The following AGPAT5 variants were observed in gnomAD, a reference collection of about 807,000 sequenced individuals.
AGPAT5 encodes the protein 1-acyl-sn-glycerol-3-phosphate acyltransferase epsilon.
AGPAT5 carries 46 observed loss-of-function variants against 45.6 expected under a neutral mutation model. The ratio of observed to expected loss-of-function variants is 1.01; its 90% CI spans 0.80 to 1.29. AGPAT5 has a LOEUF of 1.29. Among genes scored for constraint, AGPAT5 ranks in the 50% most tolerant of loss-of-function variants. AGPAT5 has a pLI of 0.00. For synonymous variants in AGPAT5, 272 were observed against 167.0 expected, an observed-to-expected ratio of 1.63 and a Z score of -4.85; for missense variants, 673 against 450.7, an observed-to-expected ratio of 1.49 and a Z score of -4.47.
At chr8:6,733,351 C>T (rs2928631) in intron 4 of AGPAT5, among the ~76,000 whole-genome samples, 113,202 of 152,084 alleles carry the variant, frequency 0.74, 43,314 homozygotes, top group African/African-American at 0.92. Context: ...TCCTCTCCTC[C>T]TGCCCTCCCC....
rs1801902517 is a variant in AGPAT5, at chr8:6,758,016, T to A, written c.*628T>A. The A allele has an allele frequency of 6.6e-6, 1 of 152,264 alleles. No individual in the cohort carries two copies. The highest frequency in any genetic ancestry group is 6.5e-5 in the Admixed American group (1 of 15,288). The allele number at this position is 152,264 out of a possible 1,614,324, so 9.4% of individuals were successfully genotyped here. A position where few individuals can be genotyped will look rare whatever the true frequency, so the allele number is the denominator to read the frequency against. ...ATAAATTTCTAATATTTATTGAAAT[T>A]GCTTAATTTGCACACCCTGTACACA... On this transcript the variant is annotated 3_prime_UTR_variant, in exon 8 of 8. Coordinates refer to ENST00000285518, the MANE Select transcript of AGPAT5 (RefSeq NM_018361.5).
At chr8:6,734,596 G>A (rs79093274) in intron 4 of AGPAT5, among the ~76,000 whole-genome samples, 4,829 of 152,218 alleles carry the variant, frequency 0.032, 100 homozygotes, top group Non-Finnish European at 0.048. Context: ...GGCCATATCT[G>A]AGTCTGCAAA....
chr8:6,730,742 C>G lies in AGPAT5; in HGVS notation c.321C>G (p.Ile107Met). ...VDWIVADILA[I>M]RQNALGHVRY... The stretch of plus-strand genomic sequence containing the variant: ...GGATTGTTGCTGACATCTTGGCCAT[C>G]AGGCAGAATGCGCTAGGACATGTGC... Residue 107 changes from isoleucine (I) to methionine (M), a missense_variant, in exon 3 of 8, where the codon ATC becomes ATG. Ile to Met is a conservative substitution (Grantham distance 10, BLOSUM62 1). Coordinates refer to ENST00000285518, the MANE Select transcript of AGPAT5 (RefSeq NM_018361.5). The G allele has an allele frequency of 6.2e-7, 1 of 1,613,320 alleles. No homozygotes were observed. Among genetic ancestry groups the G allele is most frequent in the South Asian group, 1.1e-5 (1 of 90,998 alleles).
rs1248567067 is a variant in AGPAT5, at chr8:6,761,418, A to G, written c.*4030A>G. Among the ~76,000 whole-genome samples, 9 of 152,152 alleles carry G rather than the reference A, an allele frequency of 5.9e-5. No homozygotes were observed. The highest frequency in any genetic ancestry group is 3.8e-4 in the East Asian group (2 of 5,200). On this transcript the variant is annotated 3_prime_UTR_variant, in exon 8 of 8. Transcript: ENST00000285518. ...CTAACTCTTTTTGTCTCTTTATGGTATTTTCAGAATAAAGTCTGACTTGTG... is the reference window on the plus strand; with the variant it reads ...CTAACTCTTTTTGTCTCTTTATGGTGTTTTCAGAATAAAGTCTGACTTGTG...
At chr8:6,727,566 A>G (rs1800730683) in intron 2 of AGPAT5, among the ~76,000 whole-genome samples, 1 of 152,096 alleles carries the variant, frequency 6.6e-6, no homozygotes, top group Non-Finnish European at 1.5e-5. Flanking sequence ...TTTTCAGTAG[A>G]GATGGGGTTT....
intron 4 of AGPAT5, among the ~76,000 whole-genome samples, chr8:6,739,675 A>G (rs1366401572): frequency 1.3e-5 from 2 of 152,138 alleles, no homozygotes; most frequent in African/African-American, 2.4e-5. Context: ...GATTTCCTAC[A>G]TAAACAATCA....
At chr8:6,755,677 A>T (rs935811858) in intron 7 of AGPAT5, among the ~76,000 whole-genome samples, 1 of 152,200 alleles carries the variant, frequency 6.6e-6, no homozygotes, top group African/African-American at 2.4e-5. Context: ...GGTTAATTAT[A>T]TTCAGAAATT....
At chr8:6,756,489 G>T (rs1367087310) in intron 7 of AGPAT5, among the ~76,000 whole-genome samples, 1 of 151,918 alleles carries the variant, frequency 6.6e-6, no homozygotes, top group Non-Finnish European at 1.5e-5. Flanking sequence ...AGCCAGGCGT[G>T]CACCTGTAGT....
chr8:6,749,569 G>A (rs1258942395), intron 6 of AGPAT5, among the ~76,000 whole-genome samples: 1 of 152,074 alleles, frequency 6.6e-6, no homozygotes, highest in Admixed American at 6.5e-5. Flanking sequence ...TTCTTAATTT[G>A]TTGTGCGTTG....
At chr8:6,723,394 C>T (rs1056743012) in intron 1 of AGPAT5, among the ~76,000 whole-genome samples, 4 of 152,250 alleles carry the variant, frequency 2.6e-5, no homozygotes, top group Middle Eastern at 3.4e-3. Context: ...GCTGTGCTGC[C>T]CATGCTGGGT....
intron 5 of AGPAT5, 59 bp downstream of exon 5, chr8:6,741,810 T>C: frequency 7.4e-7 from 1 of 1,355,830 alleles, no homozygotes. Context: ...CATTTTTAGT[T>C]TTTCTTCCTG....
At chr8:6,752,162 G>A (rs1801677929) in intron 6 of AGPAT5, among the ~76,000 whole-genome samples, 1 of 152,012 alleles carries the variant, frequency 6.6e-6, no homozygotes, top group African/African-American at 2.4e-5. Flanking sequence ...GGCTGACAGA[G>A]CAAGAATCCG....
At chr8:6,714,746 AC>A (rs1800265183) in intron 1 of AGPAT5, among the ~76,000 whole-genome samples, 1 of 152,196 alleles carries the variant, frequency 6.6e-6, no homozygotes, top group Non-Finnish European at 1.5e-5. Context: ...TGAACTTCTT[AC>A]AGATCAGTTT....
intron 5 of AGPAT5, among the ~76,000 whole-genome samples, chr8:6,743,891 C>G (rs1801329851): frequency 6.6e-6 from 1 of 151,834 alleles, no homozygotes; most frequent in African/African-American, 2.4e-5. Flanking sequence ...TAATGGCAAA[C>G]CAGATACCTA....
intron 2 of AGPAT5, among the ~76,000 whole-genome samples, chr8:6,726,301 G>A (rs1800684277): frequency 6.6e-6 from 1 of 152,178 alleles, no homozygotes; most frequent in Admixed American, 6.5e-5. Context: ...CCCAGTACAG[G>A]GAATGGCTCT....
intron 1 of AGPAT5, among the ~76,000 whole-genome samples, chr8:6,715,287 G>A (rs979972291): frequency 3.3e-5 from 5 of 152,200 alleles, no homozygotes; most frequent in African/African-American, 1.2e-4. Flanking sequence ...GTGGAGCTCT[G>A]TAAAAGGGCC....
intron 1 of AGPAT5, among the ~76,000 whole-genome samples, chr8:6,713,952 C>T (rs564778848): frequency 1.3e-5 from 2 of 152,194 alleles, no homozygotes; most frequent in Non-Finnish European, 2.9e-5. Context: ...TCAAACTAAT[C>T]CTAAACTCCT....
At chr8:6,755,364 A>T (rs1221521880) in intron 7 of AGPAT5, among the ~76,000 whole-genome samples, 190 bp downstream of exon 7, 1 of 152,266 alleles carries the variant, frequency 6.6e-6, no homozygotes, top group Non-Finnish European at 1.5e-5. Context: ...AGAACTTGTT[A>T]CAGTGGGCCC....
chr8:6,757,650 T>C lies in AGPAT5; in HGVS notation c.*262T>C, dbSNP rs1486351886. On this transcript the variant is annotated 3_prime_UTR_variant, in exon 8 of 8. Transcript: ENST00000285518. ...CCTGCTCTGTCCATTTCCTATGAACTAATGACAACTTGAGAAGGCTGGGAG... is the reference window on the plus strand; with the variant it reads ...CCTGCTCTGTCCATTTCCTATGAACCAATGACAACTTGAGAAGGCTGGGAG... 2 of 329,882 alleles carry C rather than the reference T, an allele frequency of 6.1e-6. No homozygotes were observed. The highest frequency in any genetic ancestry group is 4.2e-5 in the African/African-American group (2 of 47,540). The allele number at this position is 329,882 out of a possible 1,614,324, so 20.4% of individuals were successfully genotyped here.
Sources: gnomAD v4.1 joint callset for allele counts (sites outside exome capture counted in the v4.1 genomes callset) on GRCh38, gnomAD v4.1.1 for gene constraint, MANE v1.5 for transcripts, NCBI Gene and HGNC (gene_info 2026-07-23, HGNC 2026-07-21) for gene names.